Variants in AMELX observed in about 807,000 individuals in gnomAD.
AMELX encodes amelogenin, X isoform.
A neutral mutation model predicts 15.8 loss-of-function variants in AMELX; 9 were observed. The observed-to-expected ratio is 0.57, with a 90% CI of 0.34 to 0.99. The LOEUF (loss-of-function observed/expected upper bound fraction) is 0.99. AMELX is among the 50% of genes least tolerant of loss of function. AMELX has a pLI of 0.02. For missense variants in AMELX, 107 were observed against 156.2 expected, an observed-to-expected ratio of 0.68 and a Z score of 1.68; for synonymous variants, 61 against 58.8, an observed-to-expected ratio of 1.04 and a Z score of -0.17.
chrX:11,299,206 C>T (rs2048137000), intron 5 of AMELX, among the ~76,000 whole-genome samples: 1 of 111,633 alleles, frequency 9.0e-6, no homozygotes, highest in Non-Finnish European at 1.9e-5. Context: ...TTTACTATTA[C>T]TGAATTTCTA....
downstream of AMELX, among the ~76,000 whole-genome samples, chrX:11,305,432 T>C (rs1437158390): frequency 8.9e-6 from 1 of 112,286 alleles, no homozygotes; most frequent in East Asian, 2.8e-4. Context: ...AGAATAGTTA[T>C]TTGCTTCTTC....
At chrX:11,308,766 C>T in the AMELX span, among the ~76,000 whole-genome samples, 4 of 112,124 alleles carry the variant, frequency 3.6e-5, no homozygotes, top group Admixed American at 3.8e-4. Flanking sequence ...CATTAAGACC[C>T]ATGCAACAGT....
chrX:11,300,720 A>G lies in AMELX; in HGVS notation c.*108A>G. 4.0e-6 allele frequency: 3 copies of G among 758,270 alleles called. No individual in the cohort carries two copies. Among genetic ancestry groups the G allele is most frequent in the Non-Finnish European group, 6.0e-6 (3 of 496,162 alleles). 62.5% of individuals were successfully genotyped at this position (758,270 alleles called of 1,213,427 possible). On this transcript the variant is annotated 3_prime_UTR_variant, in exon 6 of 6. Coordinates refer to ENST00000380714, the MANE Select transcript of AMELX (RefSeq NM_001142.2). ...ACTTTACTTAGCAAATTCTGTAACT[A>G]AAAAAGTACCATTAGCAGACAATAA...
the AMELX span, among the ~76,000 whole-genome samples, chrX:11,309,397 A>C: frequency 9.3e-6 from 1 of 107,727 alleles, no homozygotes; most frequent in Non-Finnish European, 1.9e-5. Context: ...GGAGCCGGCC[A>C]GGCAGTCTCC....
At chrX:11,300,762 T>C (rs2048163963), downstream of AMELX, 1 of 544,002 alleles carries the variant, frequency 1.8e-6, no homozygotes, top group South Asian at 3.3e-5. Flanking sequence ...TTAAAAATCA[T>C]TCATGTCTTT....
rs1407805516 is a variant in AMELX, at chrX:11,298,737, A to G, written c.334A>G (p.Ile112Val). 2 of 1,210,901 alleles carry G rather than the reference A, an allele frequency of 1.7e-6. No individual in the cohort carries two copies. Among genetic ancestry groups the G allele is most frequent in the Non-Finnish European group, 2.2e-6 (2 of 895,259 alleles). Residue 112 changes from isoleucine (I) to valine (V), a missense_variant, in exon 5 of 6, where the codon ATC becomes GTC. Ile to Val is a conservative substitution (Grantham distance 29). Coordinates refer to ENST00000380714, the MANE Select transcript of AMELX (RefSeq NM_001142.2). ...TCCTGGCCAACACTCCATGACTCCAATCCAACACCACCAGCCAAACCTCCC... is the reference window on the plus strand; with the variant it reads ...TCCTGGCCAACACTCCATGACTCCAGTCCAACACCACCAGCCAAACCTCCC... ...PVPGQHSMTPIQHHQPNLPPP... is the reference protein window; with the variant it reads ...PVPGQHSMTPVQHHQPNLPPP...
Position 11,300,756 on chromosome X carries a change from A to C in AMELX, c.*144A>C. On this transcript the variant is annotated 3_prime_UTR_variant, in exon 6 of 6. Transcript: ENST00000380714. ...ATTAGCAGACAATAAAATGCATTAA[A>C]AATCATTCATGTCTTTGTGTTGAAT... 1.8e-6 allele frequency: 1 copy of C among 561,477 alleles called. No homozygotes were observed. The highest frequency in any genetic ancestry group is 3.0e-6 in the Non-Finnish European group (1 of 333,898). 46.3% of individuals were successfully genotyped at this position (561,477 alleles called of 1,213,427 possible).
the AMELX span, among the ~76,000 whole-genome samples, chrX:11,306,339 G>A: frequency 8.9e-6 from 1 of 112,583 alleles, no homozygotes; most frequent in Non-Finnish European, 1.9e-5. Context: ...CCCCTTAGCT[G>A]TCAAGCTCCT....
downstream of AMELX, among the ~76,000 whole-genome samples, chrX:11,304,052 T>C (rs1398024841): frequency 1.8e-5 from 2 of 110,841 alleles, no homozygotes; most frequent in African/African-American, 6.6e-5. Context: ...GGATATGACA[T>C]GGAAGTTTTT....
chrX:11,308,915 C>T, the AMELX span, among the ~76,000 whole-genome samples: 112 of 111,969 alleles, frequency 1.0e-3, no homozygotes, highest in Middle Eastern at 4.6e-3. Flanking sequence ...AAAATATACA[C>T]GTCTTGGCAA....
the AMELX span, among the ~76,000 whole-genome samples, chrX:11,308,574 A>G: frequency 3.3e-3 from 370 of 111,459 alleles, 1 homozygote; most frequent in African/African-American, 0.011. Context: ...AGGGCAACCT[A>G]TGCCCTTGTC....
chrX:11,302,018 A>C (rs980624768), downstream of AMELX, among the ~76,000 whole-genome samples: 1 of 112,454 alleles, frequency 8.9e-6, no homozygotes, highest in Non-Finnish European at 1.9e-5. Flanking sequence ...ATACAGAGGA[A>C]TGTTTCAAAC....
Position 11,298,883 on chromosome X carries a change from G to A in AMELX, c.480G>A (p.Pro160=), listed in dbSNP as rs749486136. The change falls in exon 5 of 6, where the codon CCG becomes CCA. Residue 160 remains proline (P), a synonymous_variant. Transcript: ENST00000380714. Reference sequence around the variant, plus strand: ...TGCCGCCACAGCCACCTCTGCCTCCGATGTTCCCCATGCAGCCCCTGCCTC... The same window carrying A: ...TGCCGCCACAGCCACCTCTGCCTCCAATGTTCCCCATGCAGCCCCTGCCTC... ...QPLPPQPPLP[P]MFPMQPLPPM... is the part of the protein sequence containing the mutation. 5 of 1,208,576 alleles carry A rather than the reference G, an allele frequency of 4.1e-6. No homozygotes were observed. Among genetic ancestry groups the A allele is most frequent in the African/African-American group, 1.8e-5 (1 of 56,749 alleles).
At chrX:11,305,009 A>G (rs1179512860), downstream of AMELX, among the ~76,000 whole-genome samples, 1 of 108,076 alleles carries the variant, frequency 9.3e-6, no homozygotes, top group African/African-American at 3.4e-5. Context: ...GGATTGCTCA[A>G]TCTCCTGACC....
the AMELX span, among the ~76,000 whole-genome samples, chrX:11,308,948 C>G: frequency 8.9e-6 from 1 of 111,764 alleles, no homozygotes; most frequent in Non-Finnish European, 1.9e-5. Context: ...TTCCAATAAG[C>G]CTGGTTTGAA....
intron 5 of AMELX, 108 bp downstream of exon 5, chrX:11,299,081 A>C (rs2048134955): frequency 1.1e-6 from 1 of 946,850 alleles, no homozygotes; most frequent in South Asian, 2.1e-5. Context: ...GAGTTGTAGT[A>C]GTTACAGGTC....
intron 5 of AMELX, 69 bp downstream of exon 5, chrX:11,299,042 T>C: frequency 8.9e-7 from 1 of 1,125,767 alleles, no homozygotes; most frequent in Non-Finnish European, 1.2e-6. Flanking sequence ...GGCCCCAGAG[T>C]TCTAAGGTCT....
chrX:11,307,403 G>A, the AMELX span, among the ~76,000 whole-genome samples: 2 of 112,123 alleles, frequency 1.8e-5, no homozygotes, highest in South Asian at 7.5e-4. Context: ...TACCCCAATA[G>A]CTTCCTGCAC....
At chrX:11,304,252 G>A (rs1008289675), downstream of AMELX, among the ~76,000 whole-genome samples, 5 of 110,276 alleles carry the variant, frequency 4.5e-5, no homozygotes, top group African/African-American at 1.7e-4. Context: ...ACCACACCCA[G>A]CTAATTTTTG....
Sources: gnomAD v4.1 joint callset for allele counts (sites outside exome capture counted in the v4.1 genomes callset) on GRCh38, gnomAD v4.1.1 for gene constraint, MANE v1.5 for transcripts, NCBI Gene and HGNC (gene_info 2026-07-23, HGNC 2026-07-21) for gene names.